Variants in DCLK2 observed in about 807,000 individuals in gnomAD.
DCLK2 encodes the protein serine/threonine-protein kinase DCLK2.
Under a neutral mutation model 78.4 loss-of-function variants are expected in DCLK2, and 31 were observed. The ratio of observed to expected loss-of-function variants is 0.40; its 90% CI spans 0.30 to 0.53. The LOEUF is 0.53. Ranked by LOEUF, DCLK2 falls within the 20% of genes least tolerant of loss-of-function variation. The probability of loss-of-function intolerance (pLI) is 0.61; values close to 1 mark genes in which losing one functional copy is unlikely to be tolerated. For missense variants in DCLK2, 872 were observed against 973.7 expected, an observed-to-expected ratio of 0.90 and a Z score of 1.39; for synonymous variants, 407 against 374.9, an observed-to-expected ratio of 1.09 and a Z score of -0.99.
chr4:150,228,034 G>C (rs1021702357), intron 8 of DCLK2, among the ~76,000 whole-genome samples: 2 of 152,162 alleles, frequency 1.3e-5, no homozygotes, highest in African/African-American at 4.8e-5. Context: ...GTGACCAGCA[G>C]TATTCTTGGG....
intron 4 of DCLK2, among the ~76,000 whole-genome samples, chr4:150,200,003 G>A (rs1004468544): frequency 2.0e-5 from 3 of 152,180 alleles, no homozygotes; most frequent in African/African-American, 7.2e-5. Context: ...GGGCAATGTA[G>A]CAAGGCCCTG....
intron 1 of DCLK2, among the ~76,000 whole-genome samples, chr4:150,100,974 AGGCATGGTG>A (rs1730848700): frequency 6.6e-6 from 1 of 152,170 alleles, no homozygotes; most frequent in African/African-American, 2.4e-5. Flanking sequence ...TCTTGGGGCC[AGGCATGGTG>A]GCTCATGCCT....
intron 8 of DCLK2, among the ~76,000 whole-genome samples, chr4:150,229,636 A>AC (rs964522093): frequency 1.4e-4 from 21 of 151,472 alleles, no homozygotes; most frequent in Non-Finnish European, 2.8e-4. Context: ...CTCCTATTAT[A>AC]CCCCCCCATT....
At chr4:150,210,948 CAA>C (rs1406606300) in intron 5 of DCLK2, among the ~76,000 whole-genome samples, 3 of 80,416 alleles carry the variant, frequency 3.7e-5, no homozygotes, top group Admixed American at 1.3e-4. Flanking sequence ...GACTCTGTCT[CAA>C]AAAAAAAAAA....
intron 2 of DCLK2, among the ~76,000 whole-genome samples, chr4:150,182,337 C>G (rs1056188992): frequency 2.0e-5 from 3 of 152,168 alleles, no homozygotes; most frequent in Admixed American, 2.0e-4. Context: ...ATGAACCACT[C>G]TACCTGGCCT....
rs1457970871 is a variant in DCLK2, at chr4:150,232,837, TC to T, written c.1566+12del. ...AACCAGAGAATCTCTTGGTATGTCATCCCTGCTTTTTCTGTTCCAATGAATG... is the reference window on the plus strand; with the variant it reads ...AACCAGAGAATCTCTTGGTATGTCATCCTGCTTTTTCTGTTCCAATGAATG... On this transcript the variant is annotated intron_variant, in intron 10 of 15. Transcript: ENST00000296550. 3 of 1,608,916 alleles carry T rather than the reference TC, an allele frequency of 1.9e-6. No individual in the cohort carries two copies. The highest frequency in any genetic ancestry group is 2.5e-6 in the Non-Finnish European group (3 of 1,177,344).
intron 2 of DCLK2, among the ~76,000 whole-genome samples, chr4:150,160,459 A>G (rs1735627586): frequency 6.6e-6 from 1 of 152,212 alleles, no homozygotes; most frequent in African/African-American, 2.4e-5. Context: ...CAAGGATGCC[A>G]GTGAAGTTTA....
intron 2 of DCLK2, among the ~76,000 whole-genome samples, chr4:150,149,816 G>T (rs981728976): frequency 1.3e-5 from 2 of 152,164 alleles, no homozygotes; most frequent in South Asian, 4.1e-4. Context: ...GATTCTGTAA[G>T]GTTGATTGGG....
intron 8 of DCLK2, among the ~76,000 whole-genome samples, chr4:150,226,820 C>A (rs148186901): frequency 1.6e-4 from 24 of 145,714 alleles, no homozygotes; most frequent in African/African-American, 5.7e-4. Context: ...TGATTAGTTA[C>A]AAATAAGTTG....
At chr4:150,183,745 T>G (rs962229467) in intron 2 of DCLK2, among the ~76,000 whole-genome samples, 11 of 151,854 alleles carry the variant, frequency 7.2e-5, no homozygotes, top group African/African-American at 2.4e-4. Context: ...TTCTTTTTTT[T>G]TTTTTGGAGA....
intron 2 of DCLK2, among the ~76,000 whole-genome samples, chr4:150,119,667 AGAAAAAGCTAGTT>A (rs2150180191): frequency 6.6e-6 from 1 of 152,324 alleles, no homozygotes; most frequent in East Asian, 1.9e-4. Context: ...TAATGAAAAG[AGAAAAAGCTAGTT>A]GACTAGCATG....
At chr4:150,091,330 A>C (rs1429471368) in intron 1 of DCLK2, among the ~76,000 whole-genome samples, 1 of 152,206 alleles carries the variant, frequency 6.6e-6, no homozygotes, top group Non-Finnish European at 1.5e-5. Flanking sequence ...AAGTTAGGAA[A>C]AATTCTAGGT....
chr4:150,253,347 C>T, intron 15 of DCLK2: 1 of 988,830 alleles, frequency 1.0e-6, no homozygotes, highest in Admixed American at 2.2e-5. Flanking sequence ...CATCTGCTGT[C>T]ACCCTAGTGT....
intron 4 of DCLK2, among the ~76,000 whole-genome samples, chr4:150,201,184 C>T (rs967122340): frequency 6.6e-6 from 1 of 151,984 alleles, no homozygotes; most frequent in East Asian, 1.9e-4. Context: ...TCAAAGAAAA[C>T]AAAAAAGCCC....
At chr4:150,227,166 T>C (rs1163109283) in intron 8 of DCLK2, among the ~76,000 whole-genome samples, 1 of 152,204 alleles carries the variant, frequency 6.6e-6, no homozygotes, top group African/African-American at 2.4e-5. Context: ...ACACAGCCTG[T>C]ACATTGGCTG....
At chr4:150,188,422 C>T (rs1328609550) in intron 2 of DCLK2, among the ~76,000 whole-genome samples, 4 of 151,984 alleles carry the variant, frequency 2.6e-5, no homozygotes, top group Non-Finnish European at 4.4e-5. Flanking sequence ...GAGCCAAGAT[C>T]GCAACACTGC....
At chr4:150,253,809 TCTC>T (rs1744361155) in intron 15 of DCLK2, 3 of 985,298 alleles carry the variant, frequency 3.0e-6, no homozygotes, top group Non-Finnish European at 3.6e-6. Context: ...GTCCCATAGT[TCTC>T]CTACCGATGC....
chr4:150,256,131 C>T lies in DCLK2; in HGVS notation c.2185C>T (p.Pro729Ser). ...SPVPPSVEEI[P>S]VPGEAVPAPT... The stretch of plus-strand genomic sequence containing the variant: ...AGTTCCTCCCTCAGTGGAGGAGATC[C>T]CTGTGCCTGGGGAAGCAGTCCCGGC... The change falls in exon 16 of 16, where the codon CCT becomes TCT. Residue 729 changes from proline to serine, a missense_variant. Pro to Ser is a moderately conservative substitution (Grantham distance 74). Coordinates refer to ENST00000296550, the MANE Select transcript of DCLK2 (RefSeq NM_001040260.4). 6.2e-7 allele frequency: 1 copy of T among 1,611,970 alleles called. No homozygotes were observed. The highest frequency in any genetic ancestry group is 8.5e-7 in the Non-Finnish European group (1 of 1,179,636).
chr4:150,172,607 C>CAAAAA (rs34267089), intron 2 of DCLK2, among the ~76,000 whole-genome samples: 10 of 70,118 alleles, frequency 1.4e-4, no homozygotes, highest in East Asian at 4.2e-4. Context: ...GACTCCGTCT[C>CAAAAA]AAAAAAAAAA....
Sources: allele counts gnomAD v4.1 joint callset (sites outside exome capture counted in the v4.1 genomes callset), GRCh38; gene constraint gnomAD v4.1.1; transcripts MANE v1.5; gene names NCBI Gene and HGNC (gene_info 2026-07-23, HGNC 2026-07-21).